Variants in LRP5 observed in about 807,000 individuals in gnomAD.
LRP5 encodes the protein LDL receptor related protein 5, also known as low-density lipoprotein receptor-related protein 5.
LRP5 carries 62 observed loss-of-function variants against 154.1 expected under a neutral mutation model. The observed-to-expected ratio is 0.40, with a 90% CI of 0.33 to 0.50. LRP5 has a LOEUF of 0.50. Ranked by LOEUF, LRP5 falls within the 20% of genes least tolerant of loss-of-function variation. The pLI is 0.55. For synonymous variants in LRP5, 966 were observed against 1,011.5 expected (o/e 0.96, Z 0.85); for missense variants, 1,915 against 2,336.7 (o/e 0.82, Z 3.72).
At position 68,433,698 on chromosome 11, in the gene LRP5, A is replaced by G; in HGVS notation, c.3860A>G (p.Asp1287Gly). The change falls in exon 18 of 23, where the codon GAT becomes GGT. Residue 1287 changes from aspartate (D) to glycine (G), a missense_variant. This residue lies in a region of LRP5 where 1,094 missense variants were observed against 1,210.1 expected (regional missense o/e 0.90). Transcript: ENST00000294304. ...CGCTGTGACGGCTTTCCCGAGTGCG[A>G]TGACCAGAGCGACGAGGAGGGCTGC... ...AWRCDGFPEC[D>G]DQSDEEGCPV... 1 of 1,613,212 alleles carries G rather than the reference A, an allele frequency of 6.2e-7. No individual in the cohort carries two copies. Among genetic ancestry groups the G allele is most frequent in the Non-Finnish European group, 8.5e-7 (1 of 1,179,964 alleles).
At chr11:68,375,093 G>A (rs1395395243) in intron 5 of LRP5, among the ~76,000 whole-genome samples, 1 of 152,246 alleles carries the variant, frequency 6.6e-6, no homozygotes, top group Admixed American at 6.5e-5. Flanking sequence ...TGCAGGGTGC[G>A]GGGCCTGGTG....
intron 18 of LRP5, among the ~76,000 whole-genome samples, chr11:68,434,333 G>GC (rs1375969066): frequency 1.3e-5 from 2 of 150,546 alleles, no homozygotes; most frequent in African/African-American, 2.4e-5. Flanking sequence ...TCTCTTCTGT[G>GC]CCCCCTGTGA....
At chr11:68,323,934 C>T (rs2098598202) in intron 1 of LRP5, among the ~76,000 whole-genome samples, 1 of 152,240 alleles carries the variant, frequency 6.6e-6, no homozygotes, top group Non-Finnish European at 1.5e-5. Context: ...CCGCAGCCGC[C>T]TGCTCCCTTG....
chr11:68,437,896 G>T (rs962824975), intron 19 of LRP5, among the ~76,000 whole-genome samples: 1 of 152,244 alleles, frequency 6.6e-6, no homozygotes, highest in East Asian at 1.9e-4. Context: ...CTTCCATTCC[G>T]CTGACTTCAT....
intron 7 of LRP5, among the ~76,000 whole-genome samples, chr11:68,399,156 C>T (rs1378564150): frequency 6.6e-6 from 1 of 151,896 alleles, no homozygotes; most frequent in African/African-American, 2.4e-5. Flanking sequence ...GAACTATGAT[C>T]ATGTCATTGC....
Position 68,358,262 on chromosome 11 carries a change from T to C in LRP5, c.686+415T>C, listed in dbSNP as rs148175207. Among the ~76,000 whole-genome samples the C allele has an allele frequency of 3.1e-3, 478 of 151,850 alleles. 2 individuals carry two copies. Among genetic ancestry groups the C allele is most frequent in the African/African-American group, 0.011 (457 of 41,406 alleles). On this transcript the variant is annotated intron_variant, in intron 3 of 22. Coordinates refer to ENST00000294304, the MANE Select transcript of LRP5 (RefSeq NM_002335.4). ...TCCCGAGTAGCTGGGACTACAGGAG[T>C]GCGCCACCACACCTGGCTAATTTTT...
At chr11:68,434,528 C>T (rs1413213225) in intron 18 of LRP5, among the ~76,000 whole-genome samples, 1 of 152,082 alleles carries the variant, frequency 6.6e-6, no homozygotes, top group Admixed American at 6.5e-5. Flanking sequence ...GACAGGTGCG[C>T]ACCACCATGC....
At chr11:68,390,472 C>G (rs1251951791) in intron 7 of LRP5, among the ~76,000 whole-genome samples, 1 of 152,248 alleles carries the variant, frequency 6.6e-6, no homozygotes, top group African/African-American at 2.4e-5. Context: ...AGACAGAAAA[C>G]ATGGGTGTTG....
At chr11:68,406,900 T>G (rs1055939668) in intron 9 of LRP5, 87 bp downstream of exon 9, 125 of 1,325,816 alleles carry the variant, frequency 9.4e-5, no homozygotes, top group Non-Finnish European at 4.0e-5. Flanking sequence ...GACACTTTTC[T>G]TAAAGCACTA....
At chr11:68,354,431 C>T (rs1167580834) in intron 2 of LRP5, among the ~76,000 whole-genome samples, 1 of 152,200 alleles carries the variant, frequency 6.6e-6, no homozygotes, top group Non-Finnish European at 1.5e-5. Flanking sequence ...CCATGGGCCA[C>T]GGTGGAGCAT....
At chr11:68,382,502 A>T (rs547914515) in intron 5 of LRP5, among the ~76,000 whole-genome samples, 5 of 152,302 alleles carry the variant, frequency 3.3e-5, no homozygotes, top group African/African-American at 1.2e-4. Context: ...CTATGTGTTC[A>T]CGGATGGTGT....
At chr11:68,300,810 C>A in the LRP5 span, among the ~76,000 whole-genome samples, 1 of 149,896 alleles carries the variant, frequency 6.7e-6, no homozygotes, top group East Asian at 1.9e-4. Context: ...ATGTATCTGT[C>A]CAGCCAGGGA....
chr11:68,319,468 G>C (rs1565313534), intron 1 of LRP5, among the ~76,000 whole-genome samples: 1 of 152,174 alleles, frequency 6.6e-6, no homozygotes, highest in Non-Finnish European at 1.5e-5. Flanking sequence ...TCCCACCTCA[G>C]CCTCCCAAAG....
At chr11:68,408,172 C>T (rs2098656812) in intron 9 of LRP5, among the ~76,000 whole-genome samples, 1 of 151,392 alleles carries the variant, frequency 6.6e-6, no homozygotes, top group African/African-American at 2.4e-5. Context: ...ACCTCCTGGG[C>T]TCTAGTGATC....
chr11:68,449,223 G>GGC lies in LRP5; in HGVS notation c.*153_*154insGC. ...ACTGTGATGGGGTGGGCAGGGCTGG[G>GGC]AGAACTTTGTACAGTGGAGAAATAT... is the stretch of plus-strand genomic sequence containing the variant. On this transcript the variant is annotated 3_prime_UTR_variant, in exon 23 of 23. Transcript: ENST00000294304. 2.9e-6 allele frequency: 1 copy of GGC among 349,108 alleles called. No individual in the cohort carries two copies. Among genetic ancestry groups the GGC allele is most frequent in the Non-Finnish European group, 5.3e-6 (1 of 189,364 alleles). The allele number at this position is 349,108 out of a possible 1,614,324, so 21.6% of individuals were successfully genotyped here.
rs1370847298 is a variant in LRP5 at position 68,348,078 on chromosome 11, T to C, written c.323T>C (p.Val108Ala). 6.2e-6 allele frequency: 10 copies of C among 1,613,946 alleles called. No homozygotes were observed. The highest frequency in any genetic ancestry group is 7.6e-6 in the Non-Finnish European group (9 of 1,180,032). Residue 108 changes from valine to alanine, a missense_variant, in exon 2 of 23, where the codon GTC becomes GCC. By Grantham distance (64) the Val-to-Ala change is moderately conservative. This residue lies in a region of LRP5 where 773 missense variants were observed against 1,100.9 expected (regional missense o/e 0.70). Coordinates refer to ENST00000294304, the MANE Select transcript of LRP5 (RefSeq NM_002335.4). ...CAGAACGTGGTCATCTCCGGCCTGG[T>C]CTCTCCCGACGGCCTCGCCTGCGAC... ...AVQNVVISGL[V>A]SPDGLACDWV...
intron 2 of LRP5, among the ~76,000 whole-genome samples, chr11:68,354,951 G>A (rs1317156339): frequency 1.3e-5 from 2 of 152,228 alleles, no homozygotes; most frequent in African/African-American, 4.8e-5. Flanking sequence ...GGGGCTTGGT[G>A]ATAGCAGCTG....
chr11:68,424,269 T>G (rs1238861911), intron 14 of LRP5, among the ~76,000 whole-genome samples: 3 of 152,224 alleles, frequency 2.0e-5, no homozygotes, highest in African/African-American at 4.8e-5. Context: ...CTCAGATAGC[T>G]GGGGGGCTGG....
At chr11:68,448,322 T>A (rs769448312) in intron 22 of LRP5, among the ~76,000 whole-genome samples, 5 of 152,198 alleles carry the variant, frequency 3.3e-5, no homozygotes, top group Non-Finnish European at 7.3e-5. Context: ...CCAAACCCTA[T>A]CGGTTGCCAA....
Sources: gnomAD v4.1 joint callset for allele counts (sites outside exome capture counted in the v4.1 genomes callset) on GRCh38, gnomAD v4.1.1 for gene constraint, gnomAD v4.1.1 regional missense constraint, MANE v1.5 for transcripts, NCBI Gene and HGNC (gene_info 2026-07-23, HGNC 2026-07-21) for gene names.